Variants in KALRN observed in about 807,000 individuals in gnomAD.
KALRN encodes kalirin RhoGEF kinase, also known as kalirin.
In KALRN, 70 loss-of-function variants were observed where a neutral mutation model predicts 353.7. The ratio of observed to expected loss-of-function variants is 0.20; its 90% confidence interval spans 0.16 to 0.24. The LOEUF is 0.24. Among genes scored for constraint, KALRN ranks in the 10% least tolerant of loss-of-function variants. The pLI, the probability that KALRN is intolerant of heterozygous loss-of-function variation, is 1.00. For missense variants in KALRN, 2,791 were observed against 3,756.7 expected (o/e 0.74, Z 6.72); for synonymous variants, 1,391 against 1,434.8 (o/e 0.97, Z 0.69).
intron 50 of KALRN, among the ~76,000 whole-genome samples, 193 bp from the exon 51 acceptor site, chr3:124,679,265 C>T (rs13097459): frequency 0.16 from 24,125 of 152,244 alleles, 2,413 homozygotes; most frequent in Middle Eastern, 0.28. Context: ...ACACAACCCC[C>T]GCCTCCTCTC....
At chr3:124,697,851 A>G (rs333277) in intron 55 of KALRN, 127 bp downstream of exon 55, 380,852 of 929,744 alleles carry the variant, frequency 0.41, 81,775 homozygotes, top group East Asian at 0.7. Flanking sequence ...GAATAGAGAC[A>G]GGCTATTGCT....
At chr3:124,594,426 A>T (rs2076084416) in intron 34 of KALRN, among the ~76,000 whole-genome samples, 1 of 152,150 alleles carries the variant, frequency 6.6e-6, no homozygotes, top group African/African-American at 2.4e-5. Context: ...GGGTTTCACC[A>T]TGTTGGCCAG....
chr3:124,706,760 G>A (rs2062636470), intron 57 of KALRN, among the ~76,000 whole-genome samples: 1 of 151,352 alleles, frequency 6.6e-6, no homozygotes, highest in Admixed American at 6.6e-5. Flanking sequence ...AGTAAAGATG[G>A]GGTTTCTCCA....
intron 1 of KALRN, among the ~76,000 whole-genome samples, chr3:124,079,399 A>G (rs1264783573): frequency 6.6e-6 from 1 of 152,208 alleles, no homozygotes; most frequent in African/African-American, 2.4e-5. Context: ...TTTCTTTAAA[A>G]GGGATTACTT....
At chr3:124,322,906 G>A (rs1259122904) in intron 6 of KALRN, among the ~76,000 whole-genome samples, 1 of 152,200 alleles carries the variant, frequency 6.6e-6, no homozygotes, top group Admixed American at 6.5e-5. Flanking sequence ...ATGAACTTGA[G>A]CGATGTGACT....
At chr3:124,495,961 GTA>G (rs1247326841) in intron 32 of KALRN, among the ~76,000 whole-genome samples, 5,733 of 37,866 alleles carry the variant, frequency 0.15, 794 homozygotes, top group African/African-American at 0.29. Context: ...GTATGTGTAT[GTA>G]TGTATATATA....
intron 5 of KALRN, among the ~76,000 whole-genome samples, chr3:124,282,494 C>T (rs891654459): frequency 6.6e-6 from 1 of 151,858 alleles, no homozygotes; most frequent in South Asian, 2.1e-4. Context: ...TCTCCTGCCT[C>T]AGCCTCCTGA....
At chr3:124,276,955 A>ATGCACACACACATGTGTGCACACG (rs1226154073) in intron 5 of KALRN, among the ~76,000 whole-genome samples, 6 of 152,132 alleles carry the variant, frequency 3.9e-5, no homozygotes, top group Non-Finnish European at 8.8e-5. Context: ...ACATGTGCGC[A>ATGCACACACACATGTGTGCACACG]TGCACACACA....
intron 1 of KALRN, among the ~76,000 whole-genome samples, chr3:124,189,597 G>C (rs977623484): frequency 4.0e-5 from 6 of 151,888 alleles, no homozygotes; most frequent in African/African-American, 1.4e-4. Context: ...GAGGTCAGGC[G>C]TTCAAGACCA....
Position 124,301,341 on chromosome 3 carries a change from G to C in KALRN, c.1092+2428G>C, listed in dbSNP as rs79633994. On this transcript the variant is annotated intron_variant, in intron 6 of 59. Coordinates refer to ENST00000682506, the MANE Select transcript of KALRN (RefSeq NM_001388419.1). ...AAGGGAGGAAATTTACTGAAGGGAAGTATCTTCTGGAACTGGAGAGAGAAG... is the reference window on the plus strand; with the variant it reads ...AAGGGAGGAAATTTACTGAAGGGAACTATCTTCTGGAACTGGAGAGAGAAG... Among the ~76,000 whole-genome samples the C allele has an allele frequency of 8.6e-3, 1,316 of 152,304 alleles. 16 individuals are homozygous for C. Among genetic ancestry groups the C allele is most frequent in the African/African-American group, 0.03 (1,230 of 41,568 alleles).
intron 5 of KALRN, among the ~76,000 whole-genome samples, chr3:124,285,726 GGGTTTTGCCATGTC>G (rs1215580318): frequency 2.0e-5 from 3 of 152,056 alleles, no homozygotes; most frequent in African/African-American, 7.2e-5. Context: ...AGTAGAGATG[GGGTTTTGCCATGTC>G]GGCCAGGCTG....
intron 1 of KALRN, among the ~76,000 whole-genome samples, chr3:124,182,787 C>T (rs1480137078): frequency 6.6e-6 from 1 of 152,174 alleles, no homozygotes; most frequent in South Asian, 2.1e-4. Flanking sequence ...CTATCAGCCT[C>T]CAGACCTGAA....
chr3:124,592,040 C>G (rs546775716), intron 34 of KALRN, among the ~76,000 whole-genome samples: 1 of 152,166 alleles, frequency 6.6e-6, no homozygotes, highest in Non-Finnish European at 1.5e-5. Flanking sequence ...GTGGCTCACA[C>G]GTGTAATCCC....
At chr3:124,492,529 T>G (rs1278521755) in intron 31 of KALRN, among the ~76,000 whole-genome samples, 1 of 152,226 alleles carries the variant, frequency 6.6e-6, no homozygotes, top group African/African-American at 2.4e-5. Context: ...CAAGTAATTC[T>G]GCATTGAATC....
chr3:124,386,397 G>A (rs1354182453), intron 11 of KALRN, among the ~76,000 whole-genome samples: 2 of 152,176 alleles, frequency 1.3e-5, no homozygotes, highest in Non-Finnish European at 2.9e-5. Context: ...CATGAGGGCT[G>A]CGGTGGTGCT....
intron 2 of KALRN, among the ~76,000 whole-genome samples, chr3:124,230,182 C>T (rs1354283019): frequency 1.3e-5 from 2 of 152,304 alleles, no homozygotes; most frequent in East Asian, 3.9e-4. Context: ...TTTCTTCCTT[C>T]TTTTTATGGT....
Position 124,430,638 on chromosome 3 carries a change from C to G in KALRN, c.2710-18C>G. ...CTGCGGAAGGCCATTCACCTGTGTGCTTGTCCCGATTCCCTAGGTTCTGGG... is the reference window on the plus strand; with the variant it reads ...CTGCGGAAGGCCATTCACCTGTGTGGTTGTCCCGATTCCCTAGGTTCTGGG... On this transcript the variant is annotated intron_variant, in intron 15 of 59. Transcript: ENST00000682506. The G allele has an allele frequency of 1.9e-6, 3 of 1,613,480 alleles. No individual in the cohort carries two copies. Among genetic ancestry groups the G allele is most frequent in the Middle Eastern group, 1.7e-4 (1 of 6,056 alleles).
intron 37 of KALRN, among the ~76,000 whole-genome samples, chr3:124,643,357 A>G (rs2082324083): frequency 6.6e-6 from 1 of 152,034 alleles, no homozygotes; most frequent in Non-Finnish European, 1.5e-5. Flanking sequence ...CTGAAATGTC[A>G]TTGGCCTGGA....
chr3:124,649,609 T>TAAAC (rs75988107), intron 37 of KALRN, among the ~76,000 whole-genome samples: 58,192 of 143,418 alleles, frequency 0.41, 11,558 homozygotes, highest in East Asian at 0.57. Context: ...CCCAGTCTCT[T>TAAAC]AAACAAACAA....
Sources: gnomAD v4.1 joint callset for allele counts (sites outside exome capture counted in the v4.1 genomes callset) on GRCh38, gnomAD v4.1.1 for gene constraint, MANE v1.5 for transcripts, NCBI Gene and HGNC (gene_info 2026-07-23, HGNC 2026-07-21) for gene names.